The following PRCD variants were observed in gnomAD, a reference collection of about 807,000 sequenced individuals.
PRCD encodes photoreceptor disk component PRCD.
In PRCD, 12 loss-of-function variants were observed where a neutral mutation model predicts 10.1. The observed-to-expected ratio is 1.18, with a 90% CI of 0.76 to 1.92. The LOEUF is 1.92. Ranked by LOEUF, PRCD falls within the 40% of genes most tolerant of loss-of-function variation. The pLI is 0.00. For synonymous variants in PRCD, 31 were observed against 26.2 expected (o/e 1.18, Z -0.56); for missense variants, 61 against 72.2 (o/e 0.84, Z 0.56).
At chr17:76,547,777 TACAC>T (rs936160939), downstream of PRCD, among the ~76,000 whole-genome samples, 15 of 142,378 alleles carry the variant, frequency 1.1e-4, no homozygotes, top group South Asian at 9.0e-4. Flanking sequence ...AAACATATAA[TACAC>T]ACACAGACAT....
At chr17:76,548,185 A>G (rs1278271868), downstream of PRCD, among the ~76,000 whole-genome samples, 2 of 152,100 alleles carry the variant, frequency 1.3e-5, no homozygotes, top group East Asian at 3.8e-4. Flanking sequence ...ACACCGACAC[A>G]TACACATTTA....
rs745701930 is a variant in PRCD, at chr17:76,528,997, TGTATTCTC to T, written n.45+1174_45+1181del. 5.5e-5 allele frequency: 55 copies of T among 1,003,232 alleles called. No individual in the cohort carries two copies. The highest frequency in any genetic ancestry group is 6.4e-5 in the Non-Finnish European group (54 of 842,068). The allele number at this position is 1,003,232 out of a possible 1,614,324, so 62.1% of individuals were successfully genotyped here. On this transcript the variant is annotated intron_variant and non_coding_transcript_variant, in intron 1 of 4. Coordinates refer to the PRCD transcript ENST00000397633. The surrounding 1 kb of genome is among the most constrained non-coding windows in gnomAD (Gnocchi z 5.8). ...CTCGTCCCTCCTCGGGCCACCCATC[TGTATTCTC>T]GTATTCTCGGTACACACAGCGCCCC...
At chr17:76,541,528 C>T (rs1469428611) in intron 2 of PRCD, among the ~76,000 whole-genome samples, 1 of 152,202 alleles carries the variant, frequency 6.6e-6, no homozygotes, top group East Asian at 1.9e-4. Context: ...GTCTTTCTGT[C>T]TCCTGTCGTC....
chr17:76,538,459 C>T (rs1186024219), upstream of PRCD: 1 of 460,708 alleles, frequency 2.2e-6, no homozygotes, highest in East Asian at 7.5e-5. Flanking sequence ...TGCACGAACG[C>T]GGCGGCGGCG....
Position 76,540,434 on chromosome 17 carries a change from T to C in PRCD, c.75-71T>C. On this transcript the variant is annotated intron_variant, in intron 1 of 4. Transcript: ENST00000592014. This position sits in a 1 kb window ranked among gnomAD's most constrained non-coding sequence, Gnocchi z 5.0. ...TCTACTCCCATAGCCCAATGCGGCC[T>C]GGACCTGTGGAGGGACAGTGAGGGG... 6.5e-7 allele frequency: 1 copy of C among 1,544,440 alleles called. No homozygotes were observed. The highest frequency in any genetic ancestry group is 9.0e-7 in the Non-Finnish European group (1 of 1,117,308).
intron 2 of PRCD, among the ~76,000 whole-genome samples, chr17:76,541,051 C>T (rs1329405441): frequency 6.6e-6 from 1 of 152,214 alleles, no homozygotes; most frequent in Non-Finnish European, 1.5e-5. Flanking sequence ...GTGCCATTGG[C>T]TGGGCAGACC....
At chr17:76,539,228 C>T (rs1003684509), upstream of PRCD, among the ~76,000 whole-genome samples, 1 of 152,246 alleles carries the variant, frequency 6.6e-6, no homozygotes, top group Non-Finnish European at 1.5e-5. Flanking sequence ...TGAACAGCTT[C>T]TCAAAGTTGG....
rs559175222 is a variant in PRCD, at chr17:76,544,297, C to A, written c.*647C>A. ...CTGGCCCGTGCCCTTGACTTCCAGG[C>A]AGTAGAAGATGGAGTTCTCTAGACA... On this transcript the variant is annotated 3_prime_UTR_variant, in exon 5 of 5. Transcript: ENST00000592014. 3 of 454,352 alleles carry A rather than the reference C, an allele frequency of 6.6e-6. 1 individual carries two copies. The highest frequency in any genetic ancestry group is 6.0e-5 in the African/African-American group (3 of 49,998). 28.1% of individuals were successfully genotyped at this position (454,352 alleles called of 1,614,324 possible). A position where few individuals can be genotyped will look rare whatever the true frequency, so the allele number is the denominator to read the frequency against.
At chr17:76,547,050 C>T (rs555862404), downstream of PRCD, 1 of 152,400 alleles carries the variant, frequency 6.6e-6, no homozygotes, top group South Asian at 2.1e-4. Flanking sequence ...CCCGCCCAGC[C>T]TGCCTTTGCA....
rs889380415 is a variant in PRCD at position 76,544,270 on chromosome 17, G to A, written c.*620G>A. The A allele has an allele frequency of 8.8e-6, 4 of 454,412 alleles. No homozygotes were observed. The highest frequency in any genetic ancestry group is 2.0e-5 in the African/African-American group (1 of 50,010). The allele number at this position is 454,412 out of a possible 1,614,324, so 28.1% of individuals were successfully genotyped here. ...CAGCCCAGCGGCGATGTCTCTGCCT[G>A]GCTGGCCCGTGCCCTTGACTTCCAG... On this transcript the variant is annotated 3_prime_UTR_variant, in exon 5 of 5. Transcript: ENST00000592014.
At position 76,528,949 on chromosome 17, in the gene PRCD, G is replaced by A; in HGVS notation, n.45+1116G>A. 3 of 1,086,840 alleles carry A rather than the reference G, an allele frequency of 2.8e-6. No individual in the cohort carries two copies. The highest frequency in any genetic ancestry group is 3.3e-6 in the Non-Finnish European group (3 of 896,274). The allele number at this position is 1,086,840 out of a possible 1,614,324, so 67.3% of individuals were successfully genotyped here. ...GCTCTTTTTCCATTAATTCTGAAAC[G>A]TGGCGCATTCTGTCCGGCCTGTCTC... On this transcript the variant is annotated intron_variant and non_coding_transcript_variant, in intron 1 of 4. Transcript: ENST00000397633. The surrounding 1 kb of genome is among the most constrained non-coding windows in gnomAD (Gnocchi z 5.8).
At chr17:76,549,161 G>A (rs771612694), downstream of PRCD, among the ~76,000 whole-genome samples, 9 of 152,144 alleles carry the variant, frequency 5.9e-5, no homozygotes, top group Non-Finnish European at 5.9e-5. Flanking sequence ...CTCTGCTCTT[G>A]GAAAGACTAG....
intron 1 of PRCD, chr17:76,529,444 G>A: frequency 1.0e-6 from 1 of 985,476 alleles, no homozygotes; most frequent in Non-Finnish European, 1.2e-6. Context: ...AGTCCCTAGG[G>A]CAGGGTGGGG....
Position 76,540,162 on chromosome 17 carries a change from G to C in PRCD, c.21G>C (p.Leu7=). 1 of 1,602,522 alleles carries C rather than the reference G, an allele frequency of 6.2e-7. No homozygotes were observed. Among genetic ancestry groups the C allele is most frequent in the Non-Finnish European group, 8.5e-7 (1 of 1,175,796 alleles). ...GCGCCATGTGCACCACCCTTTTCCT[G>C]CTCAGCACCCTGGCCATGCTCTGGC... The part of the protein sequence containing the change: MCTTLF[L]LSTLAMLWRR... The change falls in exon 1 of 5, where the codon CTG becomes CTC. Residue 7 remains leucine, a synonymous_variant. Transcript: ENST00000592014. The surrounding 1 kb of genome is among the most constrained non-coding windows in gnomAD (Gnocchi z 5.0).
chr17:76,547,816 TCA>T (rs749227950), downstream of PRCD, among the ~76,000 whole-genome samples: 474 of 136,186 alleles, frequency 3.5e-3, 2 homozygotes, highest in South Asian at 0.013. Context: ...AGACACACAT[TCA>T]CACACACACA....
Position 76,540,258 on chromosome 17 carries a change from G to GC in PRCD, c.74+43_74+44insC, listed in dbSNP as rs765737108. The GC allele has an allele frequency of 3.0e-5, 33 of 1,100,862 alleles. 2 individuals carry two copies. The East Asian group carries it at 5.8e-4, about 19-fold the overall frequency. 68.2% of individuals were successfully genotyped at this position (1,100,862 alleles called of 1,614,324 possible). On this transcript the variant is annotated intron_variant, in intron 1 of 4. Coordinates refer to ENST00000592014, the MANE Select transcript of PRCD (RefSeq NM_001077620.3). This position sits in a 1 kb window ranked among gnomAD's most constrained non-coding sequence, Gnocchi z 5.0. ...CTATGGCTGGCGGTTGGTCGGGGGGGGGGGGCATGGGGCTGGGCTGCCACC... is the reference window on the plus strand; with the variant it reads ...CTATGGCTGGCGGTTGGTCGGGGGGGCGGGGGCATGGGGCTGGGCTGCCACC...
chr17:76,544,090 C>A lies in PRCD; in HGVS notation c.*440C>A. The A allele has an allele frequency of 2.2e-6, 1 of 454,618 alleles. No individual in the cohort carries two copies. The highest frequency in any genetic ancestry group is 4.4e-6 in the Non-Finnish European group (1 of 226,954). The allele number at this position is 454,618 out of a possible 1,614,324, so 28.2% of individuals were successfully genotyped here. ...TTCTCTCTTTTCAATCCTGCATGAT[C>A]CTGAGCAGAGATAAAAGCAGATTTC... On this transcript the variant is annotated 3_prime_UTR_variant, in exon 5 of 5. Coordinates refer to ENST00000592014, the MANE Select transcript of PRCD (RefSeq NM_001077620.3).
At chr17:76,532,343 T>C (rs145108783) in intron 1 of PRCD, among the ~76,000 whole-genome samples, 36 of 152,248 alleles carry the variant, frequency 2.4e-4, no homozygotes, top group African/African-American at 8.2e-4. Context: ...ACCCTTTTCC[T>C]GTGTCAGACA....
chr17:76,542,155 C>T (rs979242768), intron 2 of PRCD, among the ~76,000 whole-genome samples: 7 of 152,142 alleles, frequency 4.6e-5, no homozygotes, highest in Non-Finnish European at 2.9e-5. Context: ...ATGCTCAGGC[C>T]CGATTCCAGG....
Sources: allele counts gnomAD v4.1 joint callset (sites outside exome capture counted in the v4.1 genomes callset), GRCh38; gene constraint gnomAD v4.1.1; non-coding constraint Gnocchi (gnomAD v3.1); transcripts MANE v1.5; gene names NCBI Gene and HGNC (gene_info 2026-07-23, HGNC 2026-07-21).